The following LRBA variants were observed in gnomAD, a reference collection of about 807,000 sequenced individuals.
LRBA encodes LPS responsive beige-like anchor protein.
LRBA carries 176 observed loss-of-function variants against 330.0 expected under a neutral mutation model. That is an observed-to-expected ratio of 0.53 (90% CI 0.47 to 0.60). The LOEUF (loss-of-function observed/expected upper bound fraction) is 0.60. Among genes scored for constraint, LRBA ranks in the 20% least tolerant of loss-of-function variants. The pLI, the probability that LRBA is intolerant of heterozygous loss-of-function variation, is 0.00. For missense variants in LRBA, 3,259 were observed against 3,444.8 expected, an observed-to-expected ratio of 0.95 and a Z score of 1.35; for synonymous variants, 1,230 against 1,193.0, an observed-to-expected ratio of 1.03 and a Z score of -0.64.
intron 28 of LRBA, among the ~76,000 whole-genome samples, chr4:150,838,721 C>A (rs374066500): frequency 6.6e-6 from 1 of 152,118 alleles, no homozygotes; most frequent in Non-Finnish European, 1.5e-5. Flanking sequence ...TTCATAGCTT[C>A]TTTTGGATGG....
intron 34 of LRBA, among the ~76,000 whole-genome samples, chr4:150,779,204 A>G (rs1737827546): frequency 6.6e-6 from 1 of 152,094 alleles, no homozygotes. Context: ...ACATTTTCTA[A>G]ACAAAGTTAT....
intron 41 of LRBA, among the ~76,000 whole-genome samples, chr4:150,488,467 T>C (rs1259991425): frequency 1.3e-5 from 2 of 151,680 alleles, no homozygotes; most frequent in African/African-American, 4.8e-5. Context: ...CAAATTTAAA[T>C]GCTTTCTCAT....
chr4:150,272,309 A>G (rs1746214148), intron 56 of LRBA, among the ~76,000 whole-genome samples: 1 of 152,204 alleles, frequency 6.6e-6, no homozygotes, highest in South Asian at 2.1e-4. Flanking sequence ...CAGAAAACCC[A>G]TCCAAAGGTC....
chr4:150,622,320 C>G (rs1185013585), intron 37 of LRBA, among the ~76,000 whole-genome samples: 1 of 152,216 alleles, frequency 6.6e-6, no homozygotes. Context: ...AGAAGGATCA[C>G]TTGAGCCTAG....
chr4:150,436,123 G>A (rs115546733), intron 45 of LRBA, among the ~76,000 whole-genome samples: 1 of 152,080 alleles, frequency 6.6e-6, no homozygotes, highest in Non-Finnish European at 1.5e-5. Flanking sequence ...CTTAGTTAAA[G>A]AACACTTAAA....
chr4:150,468,147 T>A (rs1027122022), intron 43 of LRBA, among the ~76,000 whole-genome samples: 1 of 152,078 alleles, frequency 6.6e-6, no homozygotes, highest in Non-Finnish European at 1.5e-5. Context: ...CTCTTTTTTT[T>A]ATGACTTTAA....
intron 40 of LRBA, among the ~76,000 whole-genome samples, chr4:150,528,254 C>G (rs1312277094): frequency 6.6e-6 from 1 of 152,096 alleles, no homozygotes; most frequent in Non-Finnish European, 1.5e-5. Context: ...AATCCCAGCA[C>G]TTTGGCAGGC....
intron 47 of LRBA, among the ~76,000 whole-genome samples, chr4:150,394,772 T>G (rs1399560473): frequency 1.3e-5 from 2 of 152,200 alleles, no homozygotes; most frequent in Non-Finnish European, 2.9e-5. Context: ...AAACAGAATA[T>G]TTTTGTGATA....
intron 47 of LRBA, among the ~76,000 whole-genome samples, chr4:150,383,847 A>G (rs1203244850): frequency 6.6e-6 from 1 of 152,138 alleles, no homozygotes; most frequent in Non-Finnish European, 1.5e-5. Flanking sequence ...AAGAATGTCT[A>G]AATGCTAAAA....
At chr4:150,837,024 C>A (rs1488663277) in intron 28 of LRBA, among the ~76,000 whole-genome samples, 1 of 152,106 alleles carries the variant, frequency 6.6e-6, no homozygotes. Context: ...CAAAGAACAT[C>A]TTTATTTCTG....
chr4:150,541,867 T>C (rs1765352972), intron 40 of LRBA, among the ~76,000 whole-genome samples: 1 of 152,130 alleles, frequency 6.6e-6, no homozygotes, highest in African/African-American at 2.4e-5. Context: ...TTTTTTTTTG[T>C]AGAGGCAGTG....
Position 150,315,151 on chromosome 4 carries a change from C to T in LRBA, c.7693+410G>A, listed in dbSNP as rs530950299. On this transcript the variant is annotated intron_variant, in intron 51 of 56. Transcript: ENST00000651943. ...TTTCATAACGCAGTGCTGCTAAGAA[C>T]CCCACTGTTATTATGAAAATTTTCC... is the stretch of plus-strand genomic sequence containing the variant. 7.4e-5 allele frequency: 19 copies of T among 257,126 alleles called. No homozygotes were observed. The South Asian group carries it at 8.2e-4, about 11-fold the overall frequency. The allele number at this position is 257,126 out of a possible 1,614,324, so 15.9% of individuals were successfully genotyped here.
chr4:150,652,113 G>C (rs1363705357), intron 37 of LRBA, among the ~76,000 whole-genome samples: 1 of 152,156 alleles, frequency 6.6e-6, no homozygotes, highest in Non-Finnish European at 1.5e-5. Flanking sequence ...TGAGATTACA[G>C]GTGTGAGCCA....
chr4:150,351,999 A>T (rs911937825), intron 47 of LRBA, among the ~76,000 whole-genome samples: 2 of 152,202 alleles, frequency 1.3e-5, no homozygotes, highest in Non-Finnish European at 2.9e-5. Flanking sequence ...GTACTCACAC[A>T]TTTTCAGACC....
At chr4:150,447,483 G>A (rs902651037) in intron 44 of LRBA, among the ~76,000 whole-genome samples, 1 of 152,104 alleles carries the variant, frequency 6.6e-6, no homozygotes, top group African/African-American at 2.4e-5. Flanking sequence ...GTCAGTCTGG[G>A]ATTTACACCA....
chr4:151,006,045 G>A (rs771248640), intron 2 of LRBA, among the ~76,000 whole-genome samples: 2 of 152,104 alleles, frequency 1.3e-5, no homozygotes, highest in East Asian at 1.9e-4. Context: ...TATCTTTTGC[G>A]GAAAAGAATA....
chr4:150,541,848 T>A (rs532398031), intron 40 of LRBA, among the ~76,000 whole-genome samples: 69 of 152,130 alleles, frequency 4.5e-4, no homozygotes, highest in Admixed American at 8.5e-4. Context: ...CTGGCTAATT[T>A]AAAAAAAATT....
At chr4:150,624,400 A>G (rs1776641916) in intron 37 of LRBA, among the ~76,000 whole-genome samples, 1 of 151,902 alleles carries the variant, frequency 6.6e-6, no homozygotes, top group South Asian at 2.1e-4. Context: ...TAAAATCCCC[A>G]CAAACACAAA....
chr4:150,632,998 T>C (rs938662221), intron 37 of LRBA, among the ~76,000 whole-genome samples: 3 of 152,350 alleles, frequency 2.0e-5, no homozygotes, highest in Admixed American at 6.5e-5. Flanking sequence ...TTGGCTATAA[T>C]TACCCACATG....
Sources: gnomAD v4.1 joint callset for allele counts (sites outside exome capture counted in the v4.1 genomes callset) on GRCh38, gnomAD v4.1.1 for gene constraint, MANE v1.5 for transcripts, NCBI Gene and HGNC (gene_info 2026-07-23, HGNC 2026-07-21) for gene names.